Variants in TBC1D22A observed in about 807,000 individuals in gnomAD.
The protein encoded by TBC1D22A is TBC1 domain family member 22A, also known as putative GTPase activator.
A neutral mutation model predicts 60.2 loss-of-function variants in TBC1D22A; 38 were observed. The ratio of observed to expected loss-of-function variants is 0.63; its 90% confidence interval spans 0.49 to 0.83. The LOEUF (loss-of-function observed/expected upper bound fraction) is 0.83. TBC1D22A is among the 40% of genes least tolerant of loss of function. TBC1D22A has a pLI of 0.00. For synonymous variants in TBC1D22A, 302 were observed against 281.7 expected (o/e 1.07, Z -0.72); for missense variants, 628 against 701.0 (o/e 0.90, Z 1.18).
In TBC1D22A at chr22:46,912,523, T is replaced by G. The variant is rs537602501; in HGVS notation, c.1015+335T>G. On this transcript the variant is annotated intron_variant, in intron 8 of 12. Transcript: ENST00000337137. ...TTCAGTCATTCAATCGATCAGTCAT[T>G]CAGTCAATCAGTCTGTCTGTCTGTC... is the stretch of plus-strand genomic sequence containing the variant. Among the ~76,000 whole-genome samples the G allele has an allele frequency of 3.8e-5, 5 of 129,930 alleles. No individual in the cohort carries two copies. The South Asian group carries it at 1.2e-3, about 30-fold the overall frequency. 85.2% of individuals were successfully genotyped at this position (129,930 alleles called of 152,430 possible). A position where few individuals can be genotyped will look rare whatever the true frequency, so the allele number is the denominator to read the frequency against.
At position 47,127,572 on chromosome 22, in the gene TBC1D22A, C is replaced by G. The variant is rs545024608; in HGVS notation, c.1425+15969C>G. 8.5e-5 allele frequency among the ~76,000 whole-genome samples: 13 copies of G among 152,098 alleles called. No individual in the cohort carries two copies. The South Asian group carries it at 1.0e-3, about 12-fold the overall frequency. ...GCCTCCTAGGCTTTCATTATTGCAG[C>G]GAGAGTCTTCATTTGAGGGGCTCTT... On this transcript the variant is annotated intron_variant, in intron 12 of 12. Coordinates refer to ENST00000337137, the MANE Select transcript of TBC1D22A (RefSeq NM_014346.5).
At chr22:46,772,126 T>C (rs13056149) in intron 1 of TBC1D22A, among the ~76,000 whole-genome samples, 25,993 of 60,300 alleles carry the variant, frequency 0.43, 5,264 homozygotes, top group Middle Eastern at 0.5. Flanking sequence ...TACACACATA[T>C]ACATATATAT....
chr22:46,817,850 T>C (rs528575489), intron 4 of TBC1D22A, among the ~76,000 whole-genome samples: 23 of 152,364 alleles, frequency 1.5e-4, no homozygotes, highest in African/African-American at 5.3e-4. Flanking sequence ...TCCACAGTGG[T>C]TGAACTAATT....
chr22:47,001,299 CT>C (rs11331060), intron 10 of TBC1D22A, among the ~76,000 whole-genome samples: 71,358 of 133,492 alleles, frequency 0.53, 18,936 homozygotes, highest in South Asian at 0.66. Flanking sequence ...TTCTTTCTTT[CT>C]TTTTTTTTTT....
chr22:47,091,194 G>C (rs1158807771), intron 11 of TBC1D22A, among the ~76,000 whole-genome samples: 1 of 146,782 alleles, frequency 6.8e-6, no homozygotes, highest in African/African-American at 2.5e-5. Flanking sequence ...CCTCGCGGAG[G>C]GGGTGGCTGC....
chr22:46,827,289 C>T (rs1189356894), intron 4 of TBC1D22A, among the ~76,000 whole-genome samples: 1 of 152,184 alleles, frequency 6.6e-6, no homozygotes, highest in Non-Finnish European at 1.5e-5. Flanking sequence ...TGGGGCAAGT[C>T]ATGCAGGCCG....
intron 8 of TBC1D22A, chr22:46,916,073 G>T: frequency 2.5e-6 from 1 of 392,788 alleles, no homozygotes; most frequent in Non-Finnish European, 4.9e-6. Flanking sequence ...GTAGTGAATT[G>T]TATTGCAACC....
chr22:46,896,638 T>G (rs1364435449), intron 7 of TBC1D22A, among the ~76,000 whole-genome samples: 2 of 152,186 alleles, frequency 1.3e-5, no homozygotes, highest in African/African-American at 4.8e-5. Flanking sequence ...CACTGCCACA[T>G]TCATATAGAT....
Position 46,974,222 on chromosome 22 carries a change from GC to G in TBC1D22A, c.1016-63del. The stretch of plus-strand genomic sequence containing the variant: ...CAGGCTCAGCTCTGTTCCTCCGTGG[GC>G]CCCCTCGTGGGTCGAGGTCCCGTGT... On this transcript the variant is annotated intron_variant, in intron 8 of 12. Coordinates refer to ENST00000337137, the MANE Select transcript of TBC1D22A (RefSeq NM_014346.5). 7 of 1,328,320 alleles carry G rather than the reference GC, an allele frequency of 5.3e-6. No individual in the cohort carries two copies. In the Middle Eastern group the frequency reaches 5.4e-4, roughly 102 times the overall value. 82.3% of individuals were successfully genotyped at this position (1,328,320 alleles called of 1,614,324 possible).
At chr22:47,085,312 T>C (rs1017549155) in intron 11 of TBC1D22A, among the ~76,000 whole-genome samples, 3 of 152,200 alleles carry the variant, frequency 2.0e-5, no homozygotes, top group Admixed American at 2.0e-4. Flanking sequence ...ATTAACTCAA[T>C]ATTTAAACCA....
At chr22:46,890,231 C>T (rs546108164) in intron 5 of TBC1D22A, among the ~76,000 whole-genome samples, 28 of 151,802 alleles carry the variant, frequency 1.8e-4, no homozygotes, top group South Asian at 6.3e-4. Context: ...CCCAGCTACT[C>T]GGGAGGCTGA....
At chr22:46,986,768 TAGC>T (rs1262012229) in intron 9 of TBC1D22A, among the ~76,000 whole-genome samples, 2 of 152,214 alleles carry the variant, frequency 1.3e-5, no homozygotes, top group East Asian at 3.8e-4. Flanking sequence ...GGGACTGCTG[TAGC>T]ATAACAAATG....
chr22:46,827,114 A>G (rs566107975), intron 4 of TBC1D22A, among the ~76,000 whole-genome samples: 2 of 152,282 alleles, frequency 1.3e-5, no homozygotes, highest in South Asian at 4.1e-4. Context: ...CGACCTATTT[A>G]TAAGTGCCAC....
Position 47,161,948 on chromosome 22 carries a change from G to A in TBC1D22A, c.1426-11550G>A, listed in dbSNP as rs139687578. On this transcript the variant is annotated intron_variant, in intron 12 of 12. Transcript: ENST00000337137. The stretch of plus-strand genomic sequence containing the variant: ...GTAGCAAGCCCCGTCTTCTGGCACC[G>A]CTGAGCGCCTTTGCATTGTGTAAGG... 1.3e-3 allele frequency among the ~76,000 whole-genome samples: 199 copies of A among 152,356 alleles called. 3 individuals carry two copies. The highest frequency in any genetic ancestry group is 4.1e-3 in the African/African-American group (171 of 41,584).
chr22:47,083,761 A>G (rs1359107870), intron 11 of TBC1D22A, among the ~76,000 whole-genome samples: 1 of 152,164 alleles, frequency 6.6e-6, no homozygotes, highest in African/African-American at 2.4e-5. Context: ...AAGATATTCA[A>G]ATGGCCATCA....
At chr22:47,135,805 C>T (rs921499571) in intron 12 of TBC1D22A, among the ~76,000 whole-genome samples, 3 of 152,214 alleles carry the variant, frequency 2.0e-5, no homozygotes, top group East Asian at 1.9e-4. Flanking sequence ...ATTCGCCCAG[C>T]GCTTGTTCAC....
At chr22:46,950,228 CG>C (rs1264045592) in intron 8 of TBC1D22A, among the ~76,000 whole-genome samples, 1 of 152,054 alleles carries the variant, frequency 6.6e-6, no homozygotes, top group Non-Finnish European at 1.5e-5. Flanking sequence ...ATCAGAGGAA[CG>C]AGTGAGAGGG....
chr22:46,907,555 C>A lies in TBC1D22A; in HGVS notation c.901-4519C>A, dbSNP rs568744016. Among the ~76,000 whole-genome samples the A allele has an allele frequency of 5.6e-4, 86 of 152,352 alleles. 1 individual carries two copies. In the South Asian group the frequency reaches 0.015, roughly 26 times the overall value. On this transcript the variant is annotated intron_variant, in intron 7 of 12. Coordinates refer to ENST00000337137, the MANE Select transcript of TBC1D22A (RefSeq NM_014346.5). ...AGGGAGGAAGGGGAGGGCTCACATG[C>A]AGGGCATCAGGGAGCAGCTGCGCCA... is the stretch of plus-strand genomic sequence containing the variant.
chr22:46,795,861 G>T (rs1056015032), intron 3 of TBC1D22A, among the ~76,000 whole-genome samples: 2 of 152,192 alleles, frequency 1.3e-5, no homozygotes, highest in Non-Finnish European at 2.9e-5. Context: ...TTAATTCTGG[G>T]ACTCAGTGCA....
Sources: gnomAD v4.1 joint callset for allele counts (sites outside exome capture counted in the v4.1 genomes callset) on GRCh38, gnomAD v4.1.1 for gene constraint, MANE v1.5 for transcripts, NCBI Gene and HGNC (gene_info 2026-07-23, HGNC 2026-07-21) for gene names.